The following ATG10 variants were observed in gnomAD, a reference collection of about 807,000 sequenced individuals.
ATG10 encodes autophagy related 10.
In ATG10, 30 loss-of-function variants were observed where a neutral mutation model predicts 32.1. The ratio of observed to expected loss-of-function variants is 0.94; its 90% CI spans 0.70 to 1.27. ATG10 has a LOEUF of 1.27. Among genes scored for constraint, ATG10 ranks in the 50% most tolerant of loss-of-function variants. The pLI, the probability that ATG10 is intolerant of heterozygous loss-of-function variation, is 0.00. For missense variants in ATG10, 233 were observed against 262.3 expected, an observed-to-expected ratio of 0.89 and a Z score of 0.77; for synonymous variants, 87 against 91.5, an observed-to-expected ratio of 0.95 and a Z score of 0.28.
At chr5:82,043,535 A>G (rs1737044400) in intron 2 of ATG10, among the ~76,000 whole-genome samples, 1 of 152,120 alleles carries the variant, frequency 6.6e-6, no homozygotes, top group Non-Finnish European at 1.5e-5. Context: ...TTTCTTTTCT[A>G]CTGCAATGGT....
intron 2 of ATG10, among the ~76,000 whole-genome samples, chr5:82,022,629 C>T (rs1419660081): frequency 3.0e-5 from 4 of 135,216 alleles, no homozygotes; most frequent in Admixed American, 7.4e-5. Context: ...AGCCAGTACT[C>T]TTTTTTTTTT....
intron 3 of ATG10, among the ~76,000 whole-genome samples, chr5:82,064,767 A>C (rs1324365342): frequency 6.6e-6 from 1 of 152,144 alleles, no homozygotes; most frequent in Non-Finnish European, 1.5e-5. Flanking sequence ...AAGGTGGATA[A>C]AAACAGTTAT....
intron 5 of ATG10, among the ~76,000 whole-genome samples, chr5:82,203,092 G>A (rs1429973701): frequency 6.6e-6 from 1 of 152,136 alleles, no homozygotes; most frequent in African/African-American, 2.4e-5. Flanking sequence ...GCCAGGCTTG[G>A]TGGTGCATGC....
chr5:81,974,118 G>A (rs1760805518), intron 1 of ATG10, among the ~76,000 whole-genome samples: 1 of 152,114 alleles, frequency 6.6e-6, no homozygotes, highest in East Asian at 1.9e-4. Context: ...GATTTCTTAA[G>A]ATGGGCTTGA....
rs567428202 is a variant in ATG10 at position 82,081,169 on chromosome 5, T to G, written c.216+22567T>G. On this transcript the variant is annotated intron_variant, in intron 3 of 7. Transcript: ENST00000282185. ...CATGATTTGGCTGATTGTCTGTTGT[T>G]GGTGTATAAGAATGCTTGTGATTTT... is the stretch of plus-strand genomic sequence containing the variant. Among the ~76,000 whole-genome samples the G allele has an allele frequency of 1.1e-3, 160 of 152,348 alleles. 1 individual carries two copies. The highest frequency in any genetic ancestry group is 1.4e-3 in the Admixed American group (21 of 15,294).
intron 5 of ATG10, among the ~76,000 whole-genome samples, chr5:82,250,302 G>A (rs1012322774): frequency 6.6e-6 from 1 of 151,904 alleles, no homozygotes; most frequent in Non-Finnish European, 1.5e-5. Flanking sequence ...TCTGATCTTT[G>A]ATTAAGTTTC....
At chr5:82,089,042 G>A (rs1561293057) in intron 3 of ATG10, among the ~76,000 whole-genome samples, 1 of 152,128 alleles carries the variant, frequency 6.6e-6, no homozygotes, top group Non-Finnish European at 1.5e-5. Context: ...TTACTATATA[G>A]CTACAGTAAT....
intron 3 of ATG10, among the ~76,000 whole-genome samples, chr5:82,136,285 T>C (rs551199468): frequency 1.9e-4 from 29 of 152,324 alleles, no homozygotes; most frequent in African/African-American, 7.0e-4. Flanking sequence ...TAGCTGGTTA[T>C]TTTGCTGGTT....
At chr5:82,068,583 CACTT>C (rs1223204492) in intron 3 of ATG10, among the ~76,000 whole-genome samples, 2 of 149,560 alleles carry the variant, frequency 1.3e-5, no homozygotes, top group Non-Finnish European at 3.0e-5. Flanking sequence ...AAAAAAAAGA[CACTT>C]AATAGATTGT....
At chr5:82,158,832 A>C (rs1224296232) in intron 3 of ATG10, among the ~76,000 whole-genome samples, 1 of 152,200 alleles carries the variant, frequency 6.6e-6, no homozygotes, top group Non-Finnish European at 1.5e-5. Flanking sequence ...TACAGTACAA[A>C]GAGCAGTGGT....
At chr5:82,167,704 C>G (rs1743637178) in intron 4 of ATG10, among the ~76,000 whole-genome samples, 1 of 152,186 alleles carries the variant, frequency 6.6e-6, no homozygotes, top group Non-Finnish European at 1.5e-5. Context: ...AGCAGCTGTT[C>G]CACTTCTATA....
At chr5:82,240,239 A>G (rs976792723) in intron 5 of ATG10, among the ~76,000 whole-genome samples, 1 of 152,256 alleles carries the variant, frequency 6.6e-6, no homozygotes, top group African/African-American at 2.4e-5. Context: ...TTGCAGCACT[A>G]TTCACAATAG....
At chr5:82,139,155 C>G (rs935968329) in intron 3 of ATG10, among the ~76,000 whole-genome samples, 6 of 144,104 alleles carry the variant, frequency 4.2e-5, no homozygotes, top group Non-Finnish European at 9.1e-5. Context: ...TCAATGGTGC[C>G]CAGGCTGGAG....
intron 5 of ATG10, among the ~76,000 whole-genome samples, chr5:82,180,483 A>T (rs891758191): frequency 3.3e-5 from 5 of 152,142 alleles, no homozygotes; most frequent in African/African-American, 1.2e-4. Flanking sequence ...CCAACCCTAA[A>T]GATTTGGCAA....
chr5:82,125,354 C>A (rs184909305), intron 3 of ATG10, among the ~76,000 whole-genome samples: 92 of 152,248 alleles, frequency 6.0e-4, no homozygotes, highest in African/African-American at 2.0e-3. Context: ...GTCATAAAGT[C>A]TTTGCCCATG....
intron 2 of ATG10, among the ~76,000 whole-genome samples, chr5:82,042,823 A>G (rs1763127171): frequency 6.6e-6 from 1 of 152,126 alleles, no homozygotes; most frequent in African/African-American, 2.4e-5. Context: ...GTGGGCTCCC[A>G]TGGGTTTGGG....
At chr5:82,096,552 G>A (rs895886260) in intron 3 of ATG10, among the ~76,000 whole-genome samples, 1 of 152,094 alleles carries the variant, frequency 6.6e-6, no homozygotes, top group East Asian at 1.9e-4. Flanking sequence ...CATGGACCAG[G>A]CTCTGAGGTA....
chr5:82,093,490 C>T (rs1035743880), intron 3 of ATG10, among the ~76,000 whole-genome samples: 1 of 151,456 alleles, frequency 6.6e-6, no homozygotes, highest in African/African-American at 2.4e-5. Flanking sequence ...AAACCTTCCT[C>T]TAGCTCAGGG....
chr5:82,088,101 C>T (rs938942998), intron 3 of ATG10, among the ~76,000 whole-genome samples: 1 of 152,174 alleles, frequency 6.6e-6, no homozygotes, highest in Non-Finnish European at 1.5e-5. Flanking sequence ...TTTCCACTCA[C>T]TTTCCCAGAG....
Sources: allele counts gnomAD v4.1 joint callset (sites outside exome capture counted in the v4.1 genomes callset), GRCh38; gene constraint gnomAD v4.1.1; transcripts MANE v1.5; gene names NCBI Gene and HGNC (gene_info 2026-07-23, HGNC 2026-07-21).